Variants in EHBP1 observed in about 807,000 individuals in gnomAD.
EHBP1 encodes the protein EH domain-binding protein 1.
A neutral mutation model predicts 144.0 loss-of-function variants in EHBP1; 55 were observed. The ratio of observed to expected loss-of-function variants is 0.38; its 90% CI spans 0.31 to 0.48. The LOEUF is 0.48. Ranked by LOEUF, EHBP1 falls within the 20% of genes least tolerant of loss-of-function variation. The probability of loss-of-function intolerance (pLI) is 0.98; values close to 1 mark genes in which losing one functional copy is unlikely to be tolerated. For missense variants in EHBP1, 1,200 were observed against 1,364.2 expected (o/e 0.88, Z 1.90); for synonymous variants, 469 against 472.7 (o/e 0.99, Z 0.10).
chr2:62,901,312 A>G (rs1005593975), intron 10 of EHBP1, among the ~76,000 whole-genome samples: 1 of 152,204 alleles, frequency 6.6e-6, no homozygotes, highest in African/African-American at 2.4e-5. Context: ...GGTCAGATGC[A>G]TATGAATAGC....
At chr2:62,831,182 A>C in intron 7 of EHBP1, 24 bp downstream of exon 7, 2 of 1,569,942 alleles carry the variant, frequency 1.3e-6, no homozygotes, top group Non-Finnish European at 1.7e-6. Flanking sequence ...GCATTAAACT[A>C]AAAGTTTATC....
At chr2:62,821,756 A>G (rs187663599) in intron 5 of EHBP1, among the ~76,000 whole-genome samples, 14 of 152,296 alleles carry the variant, frequency 9.2e-5, no homozygotes, top group Non-Finnish European at 1.5e-5. Flanking sequence ...GCTTGCTACC[A>G]TTATGTTTTA....
At chr2:62,710,863 A>G (rs2035079394) in intron 2 of EHBP1, among the ~76,000 whole-genome samples, 1 of 152,224 alleles carries the variant, frequency 6.6e-6, no homozygotes, top group Non-Finnish European at 1.5e-5. Flanking sequence ...AAATTACATT[A>G]AGAAGTATTA....
intron 8 of EHBP1, among the ~76,000 whole-genome samples, chr2:62,862,625 AT>A (rs199781749): frequency 0.021 from 3,206 of 152,236 alleles, 80 homozygotes; most frequent in African/African-American, 0.064. Context: ...TCTCAAAAAA[AT>A]AAAAGTAATT....
At chr2:62,976,860 T>C (rs1322353927) in intron 14 of EHBP1, among the ~76,000 whole-genome samples, 1 of 152,176 alleles carries the variant, frequency 6.6e-6, no homozygotes, top group East Asian at 1.9e-4. Context: ...TAGTTCCTTT[T>C]AGTTTTTCTA....
rs768333123 is a variant in EHBP1 at position 62,948,305 on chromosome 2, C to A, written c.1459C>A (p.Pro487Thr). ...CATAGGAATTTCCCGATTATTGGAA[C>A]CTTCTGATATGGTATTATTAGCAAT... ...ASIGISRLLEPSDMVLLAIPD... is the reference protein window; with the variant it reads ...ASIGISRLLETSDMVLLAIPD... Residue 487 changes from proline (P) to threonine (T), a missense_variant, in exon 13 of 23, where the codon CCT (proline) becomes ACT (threonine). Around this residue, in one of 6 missense-constraint regions of EHBP1, gnomAD observed 94 missense variants for 143.0 expected, o/e 0.66. Coordinates refer to ENST00000431489, the MANE Select transcript of EHBP1 (RefSeq NM_001142616.3). 1 of 1,590,494 alleles carries A rather than the reference C, an allele frequency of 6.3e-7. No individual in the cohort carries two copies. The highest frequency in any genetic ancestry group is 8.6e-7 in the Non-Finnish European group (1 of 1,168,844).
intron 14 of EHBP1, among the ~76,000 whole-genome samples, chr2:62,958,848 G>A (rs796509334): frequency 2.6e-5 from 4 of 152,198 alleles, no homozygotes; most frequent in African/African-American, 9.6e-5. Flanking sequence ...AAATGGAAGG[G>A]CATATTATGT....
In EHBP1 at chr2:62,878,911, G is replaced by A. The variant is rs182654443; in HGVS notation, c.1185+4379G>A. 3.2e-4 allele frequency among the ~76,000 whole-genome samples: 48 copies of A among 151,890 alleles called. 1 individual carries two copies. The highest frequency in any genetic ancestry group is 1.1e-3 in the African/African-American group (45 of 41,440). The stretch of plus-strand genomic sequence containing the variant: ...TGGGCGCCTGTAGTCCCAGCTACTT[G>A]GGAGGCTGAGGCAAGAGAATCACTT... On this transcript the variant is annotated intron_variant, in intron 10 of 22. Coordinates refer to ENST00000431489, the MANE Select transcript of EHBP1 (RefSeq NM_001142616.3).
chr2:62,688,824 A>C (rs1233129878), intron 1 of EHBP1, among the ~76,000 whole-genome samples: 1 of 152,172 alleles, frequency 6.6e-6, no homozygotes, highest in Non-Finnish European at 1.5e-5. Context: ...AATCAAAATG[A>C]GATCATTTTT....
At chr2:62,899,746 G>C (rs1177686887) in intron 10 of EHBP1, among the ~76,000 whole-genome samples, 1 of 152,008 alleles carries the variant, frequency 6.6e-6, no homozygotes, top group Non-Finnish European at 1.5e-5. Flanking sequence ...GATTTATCTG[G>C]GTCTCTTTCC....
intron 2 of EHBP1, among the ~76,000 whole-genome samples, chr2:62,747,094 A>C (rs1357748614): frequency 1.3e-5 from 2 of 152,076 alleles, no homozygotes; most frequent in Non-Finnish European, 2.9e-5. Context: ...TTTATGGAGA[A>C]GATATGTGTG....
chr2:62,857,189 G>C (rs2049128845), intron 7 of EHBP1, among the ~76,000 whole-genome samples: 1 of 151,900 alleles, frequency 6.6e-6, no homozygotes, highest in Non-Finnish European at 1.5e-5. Context: ...AATTTTTTTT[G>C]TTGCTTTAAG....
intron 15 of EHBP1, among the ~76,000 whole-genome samples, chr2:62,984,199 A>T (rs2059094257): frequency 6.6e-6 from 1 of 152,010 alleles, no homozygotes; most frequent in South Asian, 2.1e-4. Flanking sequence ...CTTTCTGTTT[A>T]AAAAATGCAG....
chr2:62,995,576 T>A (rs559282591), intron 18 of EHBP1, among the ~76,000 whole-genome samples: 3 of 152,196 alleles, frequency 2.0e-5, no homozygotes, highest in African/African-American at 7.2e-5. Flanking sequence ...GGAAGGGATT[T>A]TACAGAAGAA....
At chr2:62,844,430 G>GAAAAATTGATTATT (rs2048148487) in intron 7 of EHBP1, among the ~76,000 whole-genome samples, 1 of 152,074 alleles carries the variant, frequency 6.6e-6, no homozygotes, top group Non-Finnish European at 1.5e-5. Context: ...AATTACAGTT[G>GAAAAATTGATTATT]GAAAAATCAC....
At chr2:62,716,433 G>T in intron 2 of EHBP1, among the ~76,000 whole-genome samples, 1 of 152,142 alleles carries the variant, frequency 6.6e-6, no homozygotes, top group East Asian at 1.9e-4. Flanking sequence ...GTTCTTCTTT[G>T]TGTCTTTTAT....
chr2:62,875,237 A>G (rs1345108308), intron 10 of EHBP1, among the ~76,000 whole-genome samples: 1 of 152,134 alleles, frequency 6.6e-6, no homozygotes, highest in Non-Finnish European at 1.5e-5. Flanking sequence ...AGCACCCCAC[A>G]TCAGAGTGAT....
intron 5 of EHBP1, among the ~76,000 whole-genome samples, chr2:62,779,163 T>G (rs2042252362): frequency 6.6e-6 from 1 of 152,178 alleles, no homozygotes; most frequent in East Asian, 1.9e-4. Flanking sequence ...AGCATTTACC[T>G]TAGTATAGTC....
At chr2:62,903,041 T>C (rs995606108) in intron 10 of EHBP1, among the ~76,000 whole-genome samples, 1 of 152,192 alleles carries the variant, frequency 6.6e-6, no homozygotes, top group African/African-American at 2.4e-5. Flanking sequence ...TCTTGTAGTA[T>C]GCGGTAATGA....
Sources: gnomAD v4.1 joint callset for allele counts (sites outside exome capture counted in the v4.1 genomes callset) on GRCh38, gnomAD v4.1.1 for gene constraint, gnomAD v4.1.1 regional missense constraint, MANE v1.5 for transcripts, NCBI Gene and HGNC (gene_info 2026-07-23, HGNC 2026-07-21) for gene names.